Variants in SCNN1D observed in about 807,000 individuals in gnomAD.
SCNN1D encodes epithelial sodium channel subunit delta.
In SCNN1D, 104 loss-of-function variants were observed where a neutral mutation model predicts 87.8. The ratio of observed to expected loss-of-function variants is 1.18; its 90% CI spans 1.01 to 1.39. SCNN1D has a LOEUF of 1.39. Among genes scored for constraint, SCNN1D ranks in the 40% most tolerant of loss-of-function variants. SCNN1D has a pLI of 0.00. For synonymous variants in SCNN1D, 628 were observed against 481.2 expected (o/e 1.31, Z -3.99); for missense variants, 1,324 against 1,093.9 (o/e 1.21, Z -2.97).
intron 12 of SCNN1D, among the ~76,000 whole-genome samples, chr1:1,288,312 C>T (rs1175008599): frequency 2.5e-5 from 2 of 80,624 alleles, no homozygotes; most frequent in Non-Finnish European, 4.0e-5. Flanking sequence ...TGCTCCGTCC[C>T]GTGTCCCTGC....
Position 1,286,823 on chromosome 1 carries a change from A to C in SCNN1D, c.967A>C (p.Ile323Leu). 1 of 1,612,630 alleles carries C rather than the reference A, an allele frequency of 6.2e-7. No homozygotes were observed. ...GCTGGACGAGTTTGCCAGGGAGAAC[A>C]TTGACTCCCTGTACAACGTCAACCT... ...ELLDEFAREN[I>L]DSLYNVNLSK... Residue 323 changes from isoleucine (I) to leucine (L), a missense_variant, in exon 8 of 18, where the codon ATT (isoleucine) becomes CTT (leucine). Physicochemically the swap from Ile to Leu is conservative, Grantham distance 5 (BLOSUM62 2). Transcript: ENST00000379116.
In SCNN1D at chr1:1,286,045, C is replaced by T. The variant is rs749516749; in HGVS notation, c.678C>T (p.Phe226=). Residue 226 remains phenylalanine, a synonymous_variant, in exon 7 of 18, where the codon TTC becomes TTT. Coordinates refer to ENST00000379116, the MANE Select transcript of SCNN1D (RefSeq NM_001130413.4). The part of the protein sequence containing the change: ...LPASFRELLT[F]FCTNATIHGA... ...CCTCGTTCCGGGAGCTGCTCACCTT[C>T]TTCTGCACCAATGCCACCATCCACG... The T allele has an allele frequency of 8.8e-6, 14 of 1,582,830 alleles. No homozygotes were observed. Among genetic ancestry groups the T allele is most frequent in the African/African-American group, 5.4e-5 (4 of 74,382 alleles).
chr1:1,282,038 A>AT, intron 3 of SCNN1D: 1 of 598,516 alleles, frequency 1.7e-6, no homozygotes, highest in Admixed American at 3.2e-5. Context: ...AGCTGCCCAG[A>AT]TGTGGTGGGG....
Position 1,280,595 on chromosome 1 carries a change from G to C in SCNN1D, c.-67G>C. The stretch of plus-strand genomic sequence containing the variant: ...GCCTCAGAGAGAATCAACTATAAAT[G>C]CTTCTCATCAGACTCAAGGCCTGAG... On this transcript the variant is annotated 5_prime_UTR_variant, in exon 1 of 18. It removes an upstream start codon present in the reference 5' UTR. Transcript: ENST00000379116. The C allele has an allele frequency of 1.4e-6, 1 of 689,860 alleles. No homozygotes were observed. The highest frequency in any genetic ancestry group is 2.0e-5 in the Admixed American group (1 of 49,796). 42.7% of individuals were successfully genotyped at this position (689,860 alleles called of 1,614,324 possible). A position where few individuals can be genotyped will look rare whatever the true frequency, so the allele number is the denominator to read the frequency against.
At chr1:1,281,389 G>T (rs749235614) in intron 2 of SCNN1D, 22 bp from the exon 3 acceptor site, 2 of 1,527,550 alleles carry the variant, frequency 1.3e-6, no homozygotes, top group South Asian at 1.2e-5. Context: ...AGGGATGCCT[G>T]CCCGTCCCTT....
Position 1,284,029 on chromosome 1 carries a change from C to T in SCNN1D, c.403C>T (p.Leu135=), listed in dbSNP as rs762109889. The T allele has an allele frequency of 7.0e-7, 1 of 1,418,620 alleles. No homozygotes were observed. Among genetic ancestry groups the T allele is most frequent in the Non-Finnish European group, 9.1e-7 (1 of 1,094,314 alleles). The allele number at this position is 1,418,620 out of a possible 1,614,324, so 87.9% of individuals were successfully genotyped here. ...LQSCQLPPQW[L]STEAWTGEWK... Reference sequence around the variant, plus strand: ...GAGCTGCCAGCTGCCCCCGCAATGGCTGAGCACCGAAGCATGGACGGGAGA... The same window carrying T: ...GAGCTGCCAGCTGCCCCCGCAATGGTTGAGCACCGAAGCATGGACGGGAGA... Residue 135 remains leucine, a synonymous_variant, in exon 5 of 18, where the codon CTG becomes TTG. Coordinates refer to ENST00000379116, the MANE Select transcript of SCNN1D (RefSeq NM_001130413.4).
At chr1:1,284,874 C>T (rs1348852913) in intron 5 of SCNN1D, among the ~76,000 whole-genome samples, 1 of 152,132 alleles carries the variant, frequency 6.6e-6, no homozygotes, top group African/African-American at 2.4e-5. Flanking sequence ...CACTCAGAAG[C>T]CCTGGGGACC....
At chr1:1,286,368 A>G in intron 7 of SCNN1D, 90 bp downstream of exon 7, 2 of 1,065,042 alleles carry the variant, frequency 1.9e-6, no homozygotes, top group Non-Finnish European at 2.7e-6. Context: ...TGGCCCCTGT[A>G]GCCGAGGAGG....
In SCNN1D at chr1:1,291,691, TG is replaced by T; in HGVS notation, c.*84del. 1 of 1,141,620 alleles carries T rather than the reference TG, an allele frequency of 8.8e-7. No individual in the cohort carries two copies. The highest frequency in any genetic ancestry group is 1.2e-6 in the Non-Finnish European group (1 of 823,582). The allele number at this position is 1,141,620 out of a possible 1,614,324, so 70.7% of individuals were successfully genotyped here. A position where few individuals can be genotyped will look rare whatever the true frequency, so the allele number is the denominator to read the frequency against. The stretch of plus-strand genomic sequence containing the variant: ...CAGCAGGCTCCCCAGCGGCCCAGGG[TG>T]GGCCAGACCAGCAGCCCAGGAAGCA... On this transcript the variant is annotated 3_prime_UTR_variant, in exon 18 of 18. Transcript: ENST00000379116.
Position 1,287,297 on chromosome 1 carries a change from C to A in SCNN1D, c.1308C>A (p.Ala436=). 6.3e-7 allele frequency: 1 copy of A among 1,588,694 alleles called. No individual in the cohort carries two copies. The change falls in exon 9 of 18, where the codon GCC becomes GCA. Residue 436 remains alanine, a splice_region_variant and synonymous_variant. Coordinates refer to ENST00000379116, the MANE Select transcript of SCNN1D (RefSeq NM_001130413.4). ...SCSYDGLDCQ[A]RQFRTFHHPT... is the part of the protein sequence containing the mutation. ...GTTACGATGGCCTGGACTGCCAGGC[C>A]CGGTGAGTGTGGCGGGCGGGGGCCA...
intron 5 of SCNN1D, among the ~76,000 whole-genome samples, chr1:1,284,947 AG>A (rs1640557308): frequency 6.6e-6 from 1 of 152,208 alleles, no homozygotes; most frequent in African/African-American, 2.4e-5. Context: ...AGCCCCCACT[AG>A]GGGGATGGTG....
Position 1,287,601 on chromosome 1 carries a change from G to A in SCNN1D, c.1399+5G>A. On this transcript the variant is annotated splice_donor_5th_base_variant and intron_variant, in intron 10 of 17. Coordinates refer to ENST00000379116, the MANE Select transcript of SCNN1D (RefSeq NM_001130413.4). ...AGCGCCCCGGCATCACCCACGGTGGGTGCCAGCCCCTGGCCGGTGCGGGGG... is the reference window on the plus strand; with the variant it reads ...AGCGCCCCGGCATCACCCACGGTGGATGCCAGCCCCTGGCCGGTGCGGGGG... 1 of 1,605,738 alleles carries A rather than the reference G, an allele frequency of 6.2e-7. No individual in the cohort carries two copies. Among genetic ancestry groups the A allele is most frequent in the Non-Finnish European group, 8.5e-7 (1 of 1,175,408 alleles).
At position 1,291,844 on chromosome 1, in the gene SCNN1D, G is replaced by A. The variant is rs541659762; in HGVS notation, c.*234G>A. On this transcript the variant is annotated 3_prime_UTR_variant, in exon 18 of 18. Transcript: ENST00000379116. ...GGGGTTCCCGCGTGCACACGAGTGCGGCTGGACGTGCCGACACGCGGTGAT... is the reference window on the plus strand; with the variant it reads ...GGGGTTCCCGCGTGCACACGAGTGCAGCTGGACGTGCCGACACGCGGTGAT... 28 of 436,210 alleles carry A rather than the reference G, an allele frequency of 6.4e-5. No homozygotes were observed. Among genetic ancestry groups the A allele is most frequent in the Middle Eastern group, 5.2e-4 (1 of 1,926 alleles). 27.0% of individuals were successfully genotyped at this position (436,210 alleles called of 1,614,324 possible). A position where few individuals can be genotyped will look rare whatever the true frequency, so the allele number is the denominator to read the frequency against.
At chr1:1,284,560 C>T (rs1302446464) in intron 5 of SCNN1D, among the ~76,000 whole-genome samples, 3 of 143,210 alleles carry the variant, frequency 2.1e-5, no homozygotes, top group South Asian at 2.2e-4. Flanking sequence ...GGGTGCACAG[C>T]GTGTGCTGGA....
chr1:1,291,663 C>CA lies in SCNN1D; in HGVS notation c.*54dup. The stretch of plus-strand genomic sequence containing the variant: ...CTTGGCCTGGTCCTTGCAGCTGTGG[C>CA]AGCAGCAGGCTCCCCAGCGGCCCAG... On this transcript the variant is annotated 3_prime_UTR_variant, in exon 18 of 18. Coordinates refer to ENST00000379116, the MANE Select transcript of SCNN1D (RefSeq NM_001130413.4). 1 of 1,366,772 alleles carries CA rather than the reference C, an allele frequency of 7.3e-7. No homozygotes were observed. The highest frequency in any genetic ancestry group is 9.8e-7 in the Non-Finnish European group (1 of 1,017,766). The allele number at this position is 1,366,772 out of a possible 1,614,324, so 84.7% of individuals were successfully genotyped here.
At chr1:1,291,177 C>T in intron 17 of SCNN1D, 37 bp downstream of exon 17, 1 of 1,601,172 alleles carries the variant, frequency 6.2e-7, no homozygotes, top group South Asian at 1.1e-5. Context: ...AGAGCGGGGG[C>T]AGCGACAGTG....
Position 1,291,112 on chromosome 1 carries a change from G to A in SCNN1D, c.2024G>A (p.Arg675His), listed in dbSNP as rs377263446. The change falls in exon 17 of 18, where the codon CGC (arginine) becomes CAC (histidine). Residue 675 changes from arginine (R) to histidine (H), a missense_variant. Physicochemically the swap from Arg to His is conservative, Grantham distance 29. Coordinates refer to ENST00000379116, the MANE Select transcript of SCNN1D (RefSeq NM_001130413.4). ...INIVYQELNY[R>H]SVEEAPVYSV... ...ATCGTCTACCAGGAGCTCAACTACCGCTCAGTGGAGGAGGCGCCCGTGTAC... is the reference window on the plus strand; with the variant it reads ...ATCGTCTACCAGGAGCTCAACTACCACTCAGTGGAGGAGGCGCCCGTGTAC... 2.1e-4 allele frequency: 345 copies of A among 1,612,186 alleles called. 3 individuals are homozygous for A. The highest frequency in any genetic ancestry group is 2.0e-3 in the South Asian group (183 of 91,014).
intron 1 of SCNN1D, 171 bp from the exon 2 acceptor site, chr1:1,281,055 T>C: frequency 4.5e-6 from 3 of 666,326 alleles, no homozygotes; most frequent in Non-Finnish European, 7.7e-6. Flanking sequence ...GGCCTGCCCA[T>C]GCCCACGGGA....
chr1:1,287,999 G>A lies in SCNN1D; in HGVS notation c.1624G>A (p.Glu542Lys). The A allele has an allele frequency of 6.5e-7, 1 of 1,545,928 alleles. No individual in the cohort carries two copies. Among genetic ancestry groups the A allele is most frequent in the South Asian group, 1.2e-5 (1 of 83,796 alleles). The change falls in exon 12 of 18, where the codon GAG becomes AAG. Residue 542 changes from glutamate (E) to lysine (K), a missense_variant. Coordinates refer to ENST00000379116, the MANE Select transcript of SCNN1D (RefSeq NM_001130413.4). Reference protein sequence around the residue: ...GHCTAGGEGVEVELLHNTSYT... With the variant: ...GHCTAGGEGVKVELLHNTSYT... ...CTGCACCGCCGGCGGGGAAGGCGTG[G>A]AGGTGGAGCTGCTACACAACACCTC...
Sources: allele counts gnomAD v4.1 joint callset (sites outside exome capture counted in the v4.1 genomes callset), GRCh38; gene constraint gnomAD v4.1.1; transcripts MANE v1.5; gene names NCBI Gene and HGNC (gene_info 2026-07-23, HGNC 2026-07-21).